Variants in PYM1 observed in about 807,000 individuals in gnomAD.
PYM1 encodes partner of Y14 and mago.
In PYM1, 7 loss-of-function variants were observed where a neutral mutation model predicts 20.7. The observed-to-expected ratio is 0.34, with a 90% CI of 0.19 to 0.64. The LOEUF (loss-of-function observed/expected upper bound fraction) is 0.64, where lower values mean the gene tolerates loss of function less well. Among genes scored for constraint, PYM1 ranks in the 30% least tolerant of loss-of-function variants. The pLI, the probability that PYM1 is intolerant of heterozygous loss-of-function variation, is 0.74. For missense variants in PYM1, 194 were observed against 250.0 expected (o/e 0.78, Z 1.51); for synonymous variants, 100 against 99.2 (o/e 1.01, Z -0.05).
chr12:55,917,868 G>A (rs1883034221), intron 1 of PYM1, among the ~76,000 whole-genome samples: 1 of 151,396 alleles, frequency 6.6e-6, no homozygotes, highest in Admixed American at 6.6e-5. Context: ...GCTGAGGCAG[G>A]AGAATCACTT....
intron 1 of PYM1, among the ~76,000 whole-genome samples, chr12:55,919,136 G>A (rs182313016): frequency 3.3e-4 from 51 of 152,242 alleles, no homozygotes; most frequent in African/African-American, 1.2e-3. Flanking sequence ...TTTGTGCACA[G>A]AAACATTATT....
chr12:55,910,672 G>C (rs1882906983), intron 1 of PYM1, among the ~76,000 whole-genome samples: 1 of 152,094 alleles, frequency 6.6e-6, no homozygotes, highest in Non-Finnish European at 1.5e-5. Flanking sequence ...TCAAACTCCT[G>C]ACCTCAGGTG....
In PYM1 at chr12:55,909,530, A is replaced by T. The variant is rs555316187; in HGVS notation, c.38-6050T>A. 6.6e-5 allele frequency among the ~76,000 whole-genome samples: 10 copies of T among 152,228 alleles called. No individual in the cohort carries two copies. The East Asian group carries it at 1.9e-3, about 29-fold the overall frequency. ...CTTTGAATAAATGAATGAATCCTTT[A>T]TACAAAGCAGTGTTTCAGAGTATTT... On this transcript the variant is annotated intron_variant, in intron 1 of 2. Coordinates refer to ENST00000408946, the MANE Select transcript of PYM1 (RefSeq NM_032345.3).
At chr12:55,922,533 A>G (rs1209216547) in intron 1 of PYM1, among the ~76,000 whole-genome samples, 14 of 151,524 alleles carry the variant, frequency 9.2e-5, no homozygotes, top group Admixed American at 3.9e-4. Flanking sequence ...GGGAGGATCA[A>G]TTGAGACTGG....
rs570345556 is a variant in PYM1 at position 55,903,766 on chromosome 12, T to C, written c.38-286A>G. 2.0e-5 allele frequency among the ~76,000 whole-genome samples: 3 copies of C among 152,010 alleles called. No homozygotes were observed. The East Asian group carries it at 5.8e-4, about 29-fold the overall frequency. Reference sequence around the variant, plus strand: ...TTGTTAAAAAACCAAGGCAATAGCATGGGAACATGAAAGGCAGTAAATGAA... The same window carrying C: ...TTGTTAAAAAACCAAGGCAATAGCACGGGAACATGAAAGGCAGTAAATGAA... On this transcript the variant is annotated intron_variant, in intron 1 of 2. Transcript: ENST00000408946.
intron 1 of PYM1, among the ~76,000 whole-genome samples, chr12:55,911,788 C>T (rs1364412614): frequency 3.3e-5 from 5 of 151,786 alleles, no homozygotes; most frequent in Non-Finnish European, 7.4e-5. Context: ...TTGCAATGAG[C>T]CGAGACTGCG....
intron 1 of PYM1, among the ~76,000 whole-genome samples, chr12:55,916,335 A>G (rs1239611445): frequency 7.0e-6 from 1 of 143,882 alleles, no homozygotes; most frequent in Non-Finnish European, 1.5e-5. Context: ...ACTCCAGCTC[A>G]AAAAAAAAAA....
At chr12:55,906,347 G>T (rs1262310236) in intron 1 of PYM1, among the ~76,000 whole-genome samples, 1 of 151,998 alleles carries the variant, frequency 6.6e-6, no homozygotes, top group Non-Finnish European at 1.5e-5. Context: ...TATCATCAAT[G>T]ATATCCTTAG....
intron 1 of PYM1, among the ~76,000 whole-genome samples, chr12:55,910,879 T>C (rs950719859): frequency 4.6e-5 from 7 of 152,110 alleles, no homozygotes; most frequent in Non-Finnish European, 1.0e-4. Context: ...TGGTTGACAA[T>C]TGGTTGAGTT....
chr12:55,905,881 T>TATATATATTATTATATATATCTATTAG (rs1882796453), intron 1 of PYM1, among the ~76,000 whole-genome samples: 1 of 114,402 alleles, frequency 8.7e-6, no homozygotes, highest in Non-Finnish European at 1.8e-5. Flanking sequence ...ATCTATTAGA[T>TATATATATTATTATATATATCTATTAG]ATATATATTA....
chr12:55,913,413 C>A (rs1224816994), intron 1 of PYM1, among the ~76,000 whole-genome samples: 2 of 152,134 alleles, frequency 1.3e-5, no homozygotes, highest in Non-Finnish European at 2.9e-5. Context: ...AAAAGAGACT[C>A]AGGGTAAATT....
At chr12:55,903,873 G>A (rs2136256483) in intron 1 of PYM1, among the ~76,000 whole-genome samples, 1 of 152,106 alleles carries the variant, frequency 6.6e-6, no homozygotes, top group African/African-American at 2.4e-5. Flanking sequence ...TTATTTAGAT[G>A]GAACTTAAAA....
At chr12:55,911,095 T>A (rs1181220957) in intron 1 of PYM1, among the ~76,000 whole-genome samples, 1 of 152,104 alleles carries the variant, frequency 6.6e-6, no homozygotes, top group Non-Finnish European at 1.5e-5. Context: ...GCTATGTTAA[T>A]ACAGAATTTT....
At chr12:55,921,298 T>C (rs1282761044) in intron 1 of PYM1, among the ~76,000 whole-genome samples, 1 of 152,216 alleles carries the variant, frequency 6.6e-6, no homozygotes, top group Non-Finnish European at 1.5e-5. Flanking sequence ...TTATTTAAAT[T>C]TTAATACGCA....
intron 1 of PYM1, among the ~76,000 whole-genome samples, chr12:55,918,090 TTC>T (rs1285340694): frequency 6.6e-6 from 1 of 150,880 alleles, no homozygotes; most frequent in African/African-American, 2.5e-5. Flanking sequence ...CCTACACATT[TTC>T]TTTTTTTTTT....
At position 55,901,475 on chromosome 12, in the gene PYM1, A is replaced by C; in HGVS notation, c.*397T>G. 6.1e-6 allele frequency: 1 copy of C among 163,144 alleles called. No homozygotes were observed. The allele number at this position is 163,144 out of a possible 1,614,324, so 10.1% of individuals were successfully genotyped here. On this transcript the variant is annotated 3_prime_UTR_variant, in exon 3 of 3. Coordinates refer to ENST00000408946, the MANE Select transcript of PYM1 (RefSeq NM_032345.3). ...TTTAAAAAAAAAAAAAAAATGAGGG[A>C]TGGAGAGGGAAATAACCCATAAACA...
At chr12:55,911,798 G>A (rs1042871617) in intron 1 of PYM1, among the ~76,000 whole-genome samples, 13 of 151,616 alleles carry the variant, frequency 8.6e-5, no homozygotes, top group African/African-American at 1.9e-4. Context: ...CCGAGACTGC[G>A]CCACTGCACT....
chr12:55,906,580 C>T (rs1038901564), intron 1 of PYM1, among the ~76,000 whole-genome samples: 1 of 152,044 alleles, frequency 6.6e-6, no homozygotes, highest in Non-Finnish European at 1.5e-5. Flanking sequence ...TCTCAGGGAC[C>T]CCCTTAAGGG....
intron 1 of PYM1, among the ~76,000 whole-genome samples, chr12:55,923,269 A>C (rs560590273): frequency 7.2e-5 from 11 of 151,924 alleles, no homozygotes; most frequent in African/African-American, 2.7e-4. Context: ...AAATTAAGTA[A>C]AAACTAAGGA....
Sources: gnomAD v4.1 joint callset for allele counts (sites outside exome capture counted in the v4.1 genomes callset) on GRCh38, gnomAD v4.1.1 for gene constraint, MANE v1.5 for transcripts, NCBI Gene and HGNC (gene_info 2026-07-23, HGNC 2026-07-21) for gene names.